Variants in DMD observed in about 807,000 individuals in gnomAD.
The protein encoded by DMD is mutant dystrophin.
Under a neutral mutation model 330.1 loss-of-function variants are expected in DMD, and 63 were observed. That is an observed-to-expected ratio of 0.19 (90% CI 0.16 to 0.24). The LOEUF (loss-of-function observed/expected upper bound fraction) is 0.24. Ranked by LOEUF, DMD falls within the 10% of genes least tolerant of loss-of-function variation. The pLI is 1.00. For synonymous variants in DMD, 1,223 were observed against 959.8 expected, an observed-to-expected ratio of 1.27 and a Z score of -5.07; for missense variants, 3,344 against 2,684.1, an observed-to-expected ratio of 1.25 and a Z score of -5.43.
intron 9 of DMD, among the ~76,000 whole-genome samples, chrX:32,683,562 A>G (rs2062598604): frequency 9.8e-6 from 1 of 101,883 alleles, no homozygotes; most frequent in African/African-American, 3.6e-5. Flanking sequence ...CAAACACCGC[A>G]TGTTCTCACT....
chrX:32,372,580 T>A (rs752187717), intron 34 of DMD, among the ~76,000 whole-genome samples: 1 of 111,682 alleles, frequency 9.0e-6, no homozygotes, highest in Admixed American at 9.5e-5. Flanking sequence ...GTGATAAATA[T>A]CACTGTGATG....
Position 31,120,870 on chromosome X carries a change from A to G in DMD, c.*1049T>C, listed in dbSNP as rs1057515860. 1 of 101,957 alleles carries G rather than the reference A, an allele frequency of 9.8e-6. No individual in the cohort carries two copies. The highest frequency in any genetic ancestry group is 4.6e-4 in the South Asian group (1 of 2,194). 8.4% of individuals were successfully genotyped at this position (101,957 alleles called of 1,213,427 possible). On this transcript the variant is annotated 3_prime_UTR_variant, in exon 79 of 79. Transcript: ENST00000357033. ...CTAGCAGCAGGAAGCTGAATGTATC[A>G]ATCAATCAATCAATCAACCAACCAA...
chrX:31,306,796 G>A (rs903585340), intron 62 of DMD, among the ~76,000 whole-genome samples: 97 of 111,225 alleles, frequency 8.7e-4, no homozygotes, highest in African/African-American at 3.0e-3. Context: ...TATAAAACTT[G>A]GTGATAAAGG....
intron 1 of DMD, among the ~76,000 whole-genome samples, chrX:33,235,201 C>G (rs1234024608): frequency 2.7e-5 from 3 of 111,752 alleles, no homozygotes; most frequent in Admixed American, 9.5e-5. Context: ...AAATTAACCC[C>G]TACACAACGT....
intron 44 of DMD, among the ~76,000 whole-genome samples, chrX:32,027,118 A>T (rs774965817): frequency 1.9e-5 from 2 of 107,473 alleles, no homozygotes; most frequent in Non-Finnish European, 3.8e-5. Flanking sequence ...CATATGCTTG[A>T]AAGAAAAGAA....
intron 62 of DMD, among the ~76,000 whole-genome samples, chrX:31,264,482 T>C (rs761052177): frequency 1.9e-4 from 21 of 112,170 alleles, no homozygotes; most frequent in African/African-American, 6.2e-4. Flanking sequence ...AACACAGAGA[T>C]CAGCTTCATA....
intron 55 of DMD, among the ~76,000 whole-genome samples, chrX:31,558,662 A>C (rs1181250983): frequency 9.3e-6 from 1 of 107,876 alleles, no homozygotes; most frequent in Non-Finnish European, 1.9e-5. Context: ...TATACTATAT[A>C]TATGTGTGCG....
intron 63 of DMD, among the ~76,000 whole-genome samples, chrX:31,247,111 C>T (rs369955882): frequency 1.8e-5 from 2 of 111,727 alleles, no homozygotes; most frequent in South Asian, 3.8e-4. Flanking sequence ...TGACAATGCA[C>T]CTTGTCACCC....
intron 12 of DMD, 102 bp from the exon 13 acceptor site, chrX:32,595,978 G>A: frequency 2.6e-6 from 2 of 774,463 alleles, no homozygotes; most frequent in South Asian, 2.3e-5. Flanking sequence ...CTACATCTCA[G>A]GTACTCCCAT....
chrX:31,433,827 T>A lies in DMD; in HGVS notation c.9084+10654A>T, dbSNP rs187548294. ...AACCTTATGAAGCCACAAATTTAGATGTAAGTACTACGTCTTCAGAAATTA... is the reference window on the plus strand; with the variant it reads ...AACCTTATGAAGCCACAAATTTAGAAGTAAGTACTACGTCTTCAGAAATTA... On this transcript the variant is annotated intron_variant, in intron 60 of 78. Coordinates refer to ENST00000357033, the MANE Select transcript of DMD (RefSeq NM_004006.3). Among the ~76,000 whole-genome samples the A allele has an allele frequency of 4.9e-3, 540 of 109,460 alleles. 4 individuals are homozygous for A. Among genetic ancestry groups the A allele is most frequent in the African/African-American group, 0.018 (517 of 29,342 alleles).
At chrX:33,205,127 C>T (rs1484952219) in intron 1 of DMD, among the ~76,000 whole-genome samples, 3 of 112,647 alleles carry the variant, frequency 2.7e-5, no homozygotes, top group African/African-American at 9.7e-5. Context: ...TACAAGCCAA[C>T]ATTTCTTGCA....
intron 7 of DMD, chrX:32,755,069 A>T (rs1022596057): frequency 1.6e-4 from 18 of 110,585 alleles, no homozygotes; most frequent in Admixed American, 2.9e-4. Context: ...GTAAAACACT[A>T]TTTCCCACAT....
At chrX:32,656,979 T>C (rs1287258801) in intron 9 of DMD, among the ~76,000 whole-genome samples, 1 of 109,342 alleles carries the variant, frequency 9.1e-6, no homozygotes, top group Non-Finnish European at 1.9e-5. Flanking sequence ...CATATATACA[T>C]ATTCACATAC....
chrX:31,604,977 G>C (rs1009530638), intron 55 of DMD, among the ~76,000 whole-genome samples: 6 of 112,074 alleles, frequency 5.4e-5, no homozygotes, highest in African/African-American at 1.9e-4. Flanking sequence ...TAGTGAAAGT[G>C]GTAAAGCAGA....
intron 36 of DMD, 49 bp downstream of exon 36, chrX:32,364,533 A>T (rs1225845714): frequency 8.4e-7 from 1 of 1,185,702 alleles, no homozygotes; most frequent in Non-Finnish European, 1.1e-6. Flanking sequence ...AGATGATTGA[A>T]GTAACTGGTG....
intron 2 of DMD, among the ~76,000 whole-genome samples, chrX:32,985,178 T>G (rs912436422): frequency 1.8e-5 from 2 of 112,483 alleles, no homozygotes; most frequent in South Asian, 7.3e-4. Context: ...TACTTGTATC[T>G]ATATAAAATG....
At chrX:32,862,674 A>G (rs1178111914) in intron 2 of DMD, among the ~76,000 whole-genome samples, 1 of 111,879 alleles carries the variant, frequency 8.9e-6, no homozygotes, top group Non-Finnish European at 1.9e-5. Context: ...TGGAATGATT[A>G]CAATCCATGA....
intron 55 of DMD, among the ~76,000 whole-genome samples, chrX:31,584,106 G>A (rs889450939): frequency 2.7e-5 from 3 of 109,498 alleles, no homozygotes; most frequent in African/African-American, 1.0e-4. Context: ...TTTTATGGCT[G>A]CATAGTATTC....
intron 48 of DMD, among the ~76,000 whole-genome samples, chrX:31,842,068 A>G (rs774006193): frequency 5.4e-5 from 6 of 112,031 alleles, no homozygotes; most frequent in Non-Finnish European, 9.4e-5. Context: ...GATGCCATTA[A>G]GAAAATTTGT....
Sources: allele counts gnomAD v4.1 joint callset (sites outside exome capture counted in the v4.1 genomes callset), GRCh38; gene constraint gnomAD v4.1.1; transcripts MANE v1.5; gene names NCBI Gene and HGNC (gene_info 2026-07-23, HGNC 2026-07-21).